Variants in NBPF26 observed in about 807,000 individuals in gnomAD.
The protein encoded by NBPF26 is NBPF member 26.
NBPF26 carries 79 observed loss-of-function variants against 119.6 expected under a neutral mutation model. The observed-to-expected ratio is 0.66, with a 90% CI of 0.55 to 0.80. The LOEUF (loss-of-function observed/expected upper bound fraction) is 0.80, where lower values mean the gene tolerates loss of function less well. Ranked by LOEUF, NBPF26 falls within the 30% of genes least tolerant of loss-of-function variation. NBPF26 has a pLI of 0.00. For synonymous variants in NBPF26, 299 were observed against 457.7 expected (o/e 0.65, Z 4.43); for missense variants, 800 against 1,198.2 (o/e 0.67, Z 4.91).
intron 14 of NBPF26, 85 bp downstream of exon 14, chr1:120,816,912 C>A: frequency 7.3e-7 from 1 of 1,369,478 alleles, no homozygotes; most frequent in Non-Finnish European, 9.8e-7. Flanking sequence ...AACACAAATT[C>A]ATTTGAATAA....
At chr1:120,840,771 T>A, downstream of NBPF26, 4 of 918,410 alleles carry the variant, frequency 4.4e-6, 1 homozygote, top group Non-Finnish European at 6.2e-6. Flanking sequence ...CTGAAGACAA[T>A]GGACCCACGT....
intron 3 of NBPF26, among the ~76,000 whole-genome samples, chr1:120,790,328 T>C (rs1457515871): frequency 8.8e-6 from 1 of 113,256 alleles, no homozygotes; most frequent in Non-Finnish European, 1.7e-5. Flanking sequence ...CTGATCATCT[T>C]TTATACATAT....
rs1297510390 is a variant in NBPF26, at chr1:120,728,162, C to T, written c.73+3912C>T. 1.8e-5 allele frequency among the ~76,000 whole-genome samples: 2 copies of T among 111,310 alleles called. 1 individual carries two copies. Among genetic ancestry groups the T allele is most frequent in the Admixed American group, 1.7e-4 (2 of 11,560 alleles). The allele number at this position is 111,310 out of a possible 152,430, so 73.0% of individuals were successfully genotyped here. The stretch of plus-strand genomic sequence containing the variant: ...CATCCTCAAGTGCTTATTGTTAATG[C>T]GTACATGAGGAAGGAATCGTGTATT... On this transcript the variant is annotated intron_variant, in intron 1 of 29. Coordinates refer to ENST00000620612, the Ensembl canonical transcript of NBPF26.
chr1:120,818,554 C>T lies in NBPF26; in HGVS notation c.2423+380C>T, dbSNP rs1307711404. On this transcript the variant is annotated intron_variant, in intron 15 of 29. Coordinates refer to ENST00000620612, the Ensembl canonical transcript of NBPF26. The stretch of plus-strand genomic sequence containing the variant: ...TTGAATTTGTTTGCTTTGCTTCTCT[C>T]GTTATTTTAATTGTGATGTTAGGGT... Among the ~76,000 whole-genome samples, 28 of 125,886 alleles carry T rather than the reference C, an allele frequency of 2.2e-4. 8 individuals carry two copies. The highest frequency in any genetic ancestry group is 5.2e-4 in the African/African-American group (14 of 26,884). The allele number at this position is 125,886 out of a possible 152,430, so 82.6% of individuals were successfully genotyped here. A position where few individuals can be genotyped will look rare whatever the true frequency, so the allele number is the denominator to read the frequency against.
In NBPF26 at chr1:120,785,037, C is replaced by A. The variant is rs1174011045; in HGVS notation, c.219C>A (p.Cys73Ter). The A allele has an allele frequency of 2.8e-6, 4 of 1,442,648 alleles. No individual in the cohort carries two copies. Among genetic ancestry groups the A allele is most frequent in the Middle Eastern group, 3.5e-4 (2 of 5,634 alleles). The allele number at this position is 1,442,648 out of a possible 1,614,324, so 89.4% of individuals were successfully genotyped here. ...GAGACCCCTGTGAGAAGAACCGCTG[C>A]CAGAATGGTGGGACTTGTGTGGCCC... Residue 73 changes from cysteine (C) to a stop codon, truncating the protein, a stop_gained, in exon 3 of 30, where the codon TGC becomes TGA. Transcript: ENST00000620612. LOFTEE classifies it high-confidence loss of function.
chr1:120,821,949 T>C (rs1435071189), intron 15 of NBPF26, among the ~76,000 whole-genome samples, 155 bp from the exon 16 acceptor site: 1 of 122,884 alleles, frequency 8.1e-6, no homozygotes, highest in Non-Finnish European at 1.6e-5. Context: ...CTCCACCCTG[T>C]ATTTAGAAGG....
In NBPF26 at chr1:120,745,235, A is replaced by T. The variant is rs1477854598; in HGVS notation, c.74-18393A>T. On this transcript the variant is annotated intron_variant, in intron 1 of 29. Coordinates refer to ENST00000620612, the Ensembl canonical transcript of NBPF26. ...ATGGTTTTTTAAACTGCAGATCATGACCACGAATGGGTCATGAAACCAATT... is the reference window on the plus strand; with the variant it reads ...ATGGTTTTTTAAACTGCAGATCATGTCCACGAATGGGTCATGAAACCAATT... Among the ~76,000 whole-genome samples the T allele has an allele frequency of 2.3e-4, 25 of 109,550 alleles. 5 individuals are homozygous for T. Among genetic ancestry groups the T allele is most frequent in the Admixed American group, 2.7e-4 (3 of 11,304 alleles). 71.9% of individuals were successfully genotyped at this position (109,550 alleles called of 152,430 possible). A position where few individuals can be genotyped will look rare whatever the true frequency, so the allele number is the denominator to read the frequency against.
In NBPF26 at chr1:120,764,275, A is replaced by T. The variant is rs1159944665; in HGVS notation, c.155+566A>T. Among the ~76,000 whole-genome samples the T allele has an allele frequency of 2.9e-4, 31 of 107,786 alleles. 10 individuals carry two copies. The highest frequency in any genetic ancestry group is 4.4e-4 in the Admixed American group (5 of 11,258). The allele number at this position is 107,786 out of a possible 152,430, so 70.7% of individuals were successfully genotyped here. A position where few individuals can be genotyped will look rare whatever the true frequency, so the allele number is the denominator to read the frequency against. ...AAGAAATAAAAAAAATATATAAAAAAATATATATTAGATTCCCTTGTGTTT... is the reference window on the plus strand; with the variant it reads ...AAGAAATAAAAAAAATATATAAAAATATATATATTAGATTCCCTTGTGTTT... On this transcript the variant is annotated intron_variant, in intron 2 of 29. Coordinates refer to ENST00000620612, the Ensembl canonical transcript of NBPF26.
intron 1 of NBPF26, among the ~76,000 whole-genome samples, chr1:120,734,362 G>T (rs1650893011): frequency 1.7e-5 from 1 of 59,068 alleles, no homozygotes; most frequent in Non-Finnish European, 3.0e-5. Context: ...GGACATTTCT[G>T]ATCAACCAAG....
intron 23 of NBPF26, among the ~76,000 whole-genome samples, chr1:120,833,362 A>C (rs1652401293): frequency 1.5e-4 from 1 of 6,682 alleles, no homozygotes; most frequent in Non-Finnish European, 2.3e-4. Flanking sequence ...TCACTAGGTC[A>C]CTTTCTCTCT....
Position 120,763,655 on chromosome 1 carries a change from C to A in NBPF26, c.101C>A (p.Pro34His), listed in dbSNP as rs1651157166. 13 of 1,411,404 alleles carry A rather than the reference C, an allele frequency of 9.2e-6. 1 individual carries two copies. The highest frequency in any genetic ancestry group is 1.1e-5 in the Non-Finnish European group (12 of 1,053,816). The allele number at this position is 1,411,404 out of a possible 1,614,324, so 87.4% of individuals were successfully genotyped here. ...TTGCAGTGTCGAGATGGCTATGAAC[C>A]CTGTGTAAATAAAGGAATGTGTGTT... Residue 34 changes from proline to histidine, a missense_variant, in exon 2 of 30, where the codon CCC (proline) becomes CAC (histidine). Physicochemically the swap from Pro to His is moderately conservative, Grantham distance 77. Coordinates refer to ENST00000620612, the Ensembl canonical transcript of NBPF26.
chr1:120,756,119 G>A (rs1651077696), intron 1 of NBPF26, among the ~76,000 whole-genome samples: 1 of 114,068 alleles, frequency 8.8e-6, no homozygotes, highest in Non-Finnish European at 1.7e-5. Flanking sequence ...TTTAGAGAAA[G>A]TTTTGTTTGA....
chr1:120,776,319 G>T, intron 2 of NBPF26, among the ~76,000 whole-genome samples: 1 of 100,068 alleles, frequency 1.0e-5, no homozygotes, highest in Middle Eastern at 4.3e-3. Context: ...TTAGGGCTTA[G>T]CCATGAGAAA....
exon 9 of NBPF26, chr1:120,810,523 A>T: frequency 1.3e-6 from 2 of 1,540,432 alleles, no homozygotes; most frequent in Admixed American, 3.5e-5. Context: ...GAATCCTCTC[A>T]TGATGAATGT....
chr1:120,840,617 T>C, exon 30 of NBPF26: 1 of 1,455,514 alleles, frequency 6.9e-7, no homozygotes, highest in Non-Finnish European at 9.2e-7. Flanking sequence ...AGCCGAGAGG[T>C]GTCATTCCTG....
rs1286538775 is a variant in NBPF26 at position 120,811,013 on chromosome 1, G to A, written c.1564+455G>A. 3.8e-5 allele frequency among the ~76,000 whole-genome samples: 4 copies of A among 104,376 alleles called. 2 individuals carry two copies. The highest frequency in any genetic ancestry group is 2.4e-4 in the African/African-American group (4 of 16,884). The allele number at this position is 104,376 out of a possible 152,430, so 68.5% of individuals were successfully genotyped here. ...CCGAGCACTTTGGGAGGCCGAGGCG[G>A]GTGGATCATGAGGTCAGGAGATTGA... is the stretch of plus-strand genomic sequence containing the variant. On this transcript the variant is annotated intron_variant, in intron 9 of 29. Coordinates refer to ENST00000620612, the Ensembl canonical transcript of NBPF26.
At chr1:120,822,906 C>A (rs1296458284) in intron 16 of NBPF26, among the ~76,000 whole-genome samples, 1 of 122,628 alleles carries the variant, frequency 8.2e-6, no homozygotes, top group East Asian at 2.0e-4. Flanking sequence ...TGGTACATTG[C>A]ACCCTTTCAT....
rs1405231281 is a variant in NBPF26, at chr1:120,819,363, C to G, written c.2423+1189C>G. Among the ~76,000 whole-genome samples, 2 of 111,662 alleles carry G rather than the reference C, an allele frequency of 1.8e-5. 1 individual carries two copies. The highest frequency in any genetic ancestry group is 1.1e-4 in the African/African-American group (2 of 18,892). The allele number at this position is 111,662 out of a possible 152,430, so 73.3% of individuals were successfully genotyped here. A position where few individuals can be genotyped will look rare whatever the true frequency, so the allele number is the denominator to read the frequency against. On this transcript the variant is annotated intron_variant, in intron 15 of 29. Transcript: ENST00000620612. Reference sequence around the variant, plus strand: ...CTTCCTCCATCCCTTTATTTTGAGCCTATGTGTGTCTCTGCATGTGAGATG... The same window carrying G: ...CTTCCTCCATCCCTTTATTTTGAGCGTATGTGTGTCTCTGCATGTGAGATG...
intron 2 of NBPF26, among the ~76,000 whole-genome samples, chr1:120,779,637 G>T (rs1164101114): frequency 1.6e-5 from 2 of 121,786 alleles, no homozygotes; most frequent in Non-Finnish European, 3.3e-5. Flanking sequence ...TAGTTCAAGT[G>T]GTAGACTATT....
Sources: allele counts gnomAD v4.1 joint callset (sites outside exome capture counted in the v4.1 genomes callset), GRCh38; gene constraint gnomAD v4.1.1; transcripts MANE v1.5; gene names NCBI Gene and HGNC (gene_info 2026-07-23, HGNC 2026-07-21).